The following CNTN4 variants were observed in gnomAD, a reference collection of about 807,000 sequenced individuals.
CNTN4 encodes contactin 4, also known as contactin-4.
A neutral mutation model predicts 122.5 loss-of-function variants in CNTN4; 77 were observed. The observed-to-expected ratio is 0.63, with a 90% confidence interval of 0.52 to 0.76. The LOEUF is 0.76. Ranked by LOEUF, CNTN4 falls within the 30% of genes least tolerant of loss-of-function variation. The pLI, the probability that CNTN4 is intolerant of heterozygous loss-of-function variation, is 0.00. For synonymous variants in CNTN4, 512 were observed against 447.0 expected (o/e 1.15, Z -1.83); for missense variants, 1,256 against 1,259.1 (o/e 1.00, Z 0.04).
chr3:2,186,222 T>A lies in CNTN4; in HGVS notation c.-145+85583T>A, dbSNP rs555549560. Among the ~76,000 whole-genome samples the A allele has an allele frequency of 3.6e-4, 55 of 152,258 alleles. No homozygotes were observed. In the East Asian group the frequency reaches 0.01, roughly 28 times the overall value. On this transcript the variant is annotated intron_variant, in intron 2 of 24. Transcript: ENST00000418658. Reference sequence around the variant, plus strand: ...TGCGATGGTTTGCTGAGAATGATGGTTTCCAGCTTCATCCATCTCCCTACA... The same window carrying A: ...TGCGATGGTTTGCTGAGAATGATGGATTCCAGCTTCATCCATCTCCCTACA...
intron 2 of CNTN4, among the ~76,000 whole-genome samples, chr3:2,121,911 A>G (rs747398985): frequency 4.6e-5 from 7 of 152,046 alleles, no homozygotes; most frequent in Admixed American, 2.0e-4. Context: ...CACACCTGTA[A>G]TCCCAGCACT....
chr3:2,776,274 C>CTTT (rs10575193), intron 6 of CNTN4, among the ~76,000 whole-genome samples: 1 of 134,192 alleles, frequency 7.5e-6, no homozygotes, highest in African/African-American at 2.8e-5. Context: ...ATAAGTGTTT[C>CTTT]TTTTTTTTTT....
At chr3:2,243,578 C>T (rs184995627) in intron 2 of CNTN4, among the ~76,000 whole-genome samples, 15 of 152,156 alleles carry the variant, frequency 9.9e-5, no homozygotes, top group Non-Finnish European at 8.8e-5. Context: ...GACAACTCTT[C>T]TTCCCATGTG....
At chr3:2,381,997 C>G (rs1358853878) in intron 3 of CNTN4, among the ~76,000 whole-genome samples, 1 of 151,944 alleles carries the variant, frequency 6.6e-6, no homozygotes, top group African/African-American at 2.4e-5. Flanking sequence ...AGGCACAAAC[C>G]CTGTTTCATT....
chr3:2,111,924 A>C (rs2032988914), intron 2 of CNTN4, among the ~76,000 whole-genome samples: 1 of 152,126 alleles, frequency 6.6e-6, no homozygotes, highest in African/African-American at 2.4e-5. Context: ...TTGAAATTTC[A>C]TTATTTTAAA....
rs772741295 is a variant in CNTN4 at position 2,723,532 on chromosome 3, A to AG, written c.56-12679dup. ...GGCACCCTGTTATTGCGTCCTCCAG[A>AG]GGGGATGAAGGCTGTGTCTTCACAC... is the stretch of plus-strand genomic sequence containing the variant. On this transcript the variant is annotated intron_variant, in intron 4 of 24. Coordinates refer to ENST00000418658, the MANE Select transcript of CNTN4 (RefSeq NM_175607.3). Among the ~76,000 whole-genome samples the AG allele has an allele frequency of 8.5e-4, 130 of 152,096 alleles. 2 individuals carry two copies. The highest frequency in any genetic ancestry group is 1.0e-4 in the Non-Finnish European group (7 of 68,016).
chr3:2,575,435 C>T (rs940101861), intron 4 of CNTN4, among the ~76,000 whole-genome samples: 2 of 151,496 alleles, frequency 1.3e-5, no homozygotes, highest in Non-Finnish European at 2.9e-5. Context: ...CACTTGAACC[C>T]GGAAGGCAGA....
intron 2 of CNTN4, among the ~76,000 whole-genome samples, chr3:2,126,584 C>T (rs1250248329): frequency 6.6e-6 from 1 of 152,042 alleles, no homozygotes; most frequent in African/African-American, 2.4e-5. Flanking sequence ...TAGCCCTGTG[C>T]TTGATGGTGT....
rs141751642 is a variant in CNTN4, at chr3:2,535,391, C to T, written c.-88-36025C>T. Among the ~76,000 whole-genome samples, 549 of 152,250 alleles carry T rather than the reference C, an allele frequency of 3.6e-3. 5 individuals carry two copies. The highest frequency in any genetic ancestry group is 0.017 in the Middle Eastern group (5 of 292). ...CTTCTAAGTTTCAGTTTTCAATTCT[C>T]TTTCATTTGATCATAGGCTTCTTCT... On this transcript the variant is annotated intron_variant, in intron 3 of 24. Coordinates refer to ENST00000418658, the MANE Select transcript of CNTN4 (RefSeq NM_175607.3).
At chr3:2,662,506 T>C (rs1371634969) in intron 4 of CNTN4, among the ~76,000 whole-genome samples, 1 of 152,176 alleles carries the variant, frequency 6.6e-6, no homozygotes, top group Non-Finnish European at 1.5e-5. Context: ...AGAGGATACA[T>C]TTCTTTCACC....
intron 3 of CNTN4, among the ~76,000 whole-genome samples, chr3:2,369,390 A>C (rs910125953): frequency 6.6e-6 from 1 of 152,192 alleles, no homozygotes; most frequent in Non-Finnish European, 1.5e-5. Flanking sequence ...AATTTTTAAA[A>C]CATCATAGCC....
rs2083919078 is a variant in CNTN4, at chr3:2,661,947, C to T, written c.56-74268C>T. ...TCAGACAAACACAGAACCCAACCCCCTGCCACCTTTTGTTAAAAAATTCAT... is the reference window on the plus strand; with the variant it reads ...TCAGACAAACACAGAACCCAACCCCTTGCCACCTTTTGTTAAAAAATTCAT... On this transcript the variant is annotated intron_variant, in intron 4 of 24. Transcript: ENST00000418658. 4.6e-5 allele frequency among the ~76,000 whole-genome samples: 7 copies of T among 152,114 alleles called. No homozygotes were observed. The South Asian group carries it at 1.2e-3, about 27-fold the overall frequency.
chr3:2,169,161 T>C (rs921905689), intron 2 of CNTN4, among the ~76,000 whole-genome samples: 1 of 152,156 alleles, frequency 6.6e-6, no homozygotes, highest in Non-Finnish European at 1.5e-5. Context: ...AGCTTCCTTA[T>C]TATTACTCTT....
chr3:2,369,968 GT>G (rs2045572287), intron 3 of CNTN4, among the ~76,000 whole-genome samples: 1 of 152,148 alleles, frequency 6.6e-6, no homozygotes. Flanking sequence ...TTGATACTCT[GT>G]TTTTACCATT....
At chr3:2,523,640 G>C (rs775760639) in intron 3 of CNTN4, among the ~76,000 whole-genome samples, 2 of 151,992 alleles carry the variant, frequency 1.3e-5, no homozygotes, top group African/African-American at 4.8e-5. Flanking sequence ...AGAAAGTCCA[G>C]AGTCAGTATG....
At chr3:2,584,917 G>GTAGATAGATAGA (rs760860047) in intron 4 of CNTN4, among the ~76,000 whole-genome samples, 90 of 151,262 alleles carry the variant, frequency 5.9e-4, no homozygotes, top group Middle Eastern at 3.4e-3. Flanking sequence ...AGGTAGGTAG[G>GTAGATAGATAGA]TAGATAGATA....
intron 4 of CNTN4, among the ~76,000 whole-genome samples, chr3:2,690,332 C>T (rs936532781): frequency 6.6e-6 from 1 of 152,070 alleles, no homozygotes; most frequent in African/African-American, 2.4e-5. Flanking sequence ...GGAGTAAAGT[C>T]CCAAGTGTGT....
intron 4 of CNTN4, among the ~76,000 whole-genome samples, chr3:2,584,917 G>GTAGGTAGATAGATAGA (rs1553568428): frequency 2.6e-5 from 4 of 151,264 alleles, no homozygotes; most frequent in African/African-American, 9.7e-5. Flanking sequence ...AGGTAGGTAG[G>GTAGGTAGATAGATAGA]TAGATAGATA....
At chr3:2,818,095 G>C (rs116710350) in intron 6 of CNTN4, among the ~76,000 whole-genome samples, 1 of 152,196 alleles carries the variant, frequency 6.6e-6, no homozygotes, top group Non-Finnish European at 1.5e-5. Flanking sequence ...TAGGTGTTAT[G>C]TGTCAGACCT....
Sources: allele counts gnomAD v4.1 joint callset (sites outside exome capture counted in the v4.1 genomes callset), GRCh38; gene constraint gnomAD v4.1.1; transcripts MANE v1.5; gene names NCBI Gene and HGNC (gene_info 2026-07-23, HGNC 2026-07-21).